The following ITPR2 variants were observed in gnomAD, a reference collection of about 807,000 sequenced individuals.
The protein encoded by ITPR2 is inositol 1,4,5-trisphosphate receptor type 2, also known as inositol 1,4,5-trisphosphate-gated calcium channel ITPR2.
A neutral mutation model predicts 317.1 loss-of-function variants in ITPR2; 207 were observed. The ratio of observed to expected loss-of-function variants is 0.65; its 90% CI spans 0.58 to 0.73. The LOEUF is 0.73. ITPR2 is among the 30% of genes least tolerant of loss of function. ITPR2 has a pLI of 0.00. For synonymous variants in ITPR2, 1,156 were observed against 1,149.1 expected (o/e 1.01, Z -0.12); for missense variants, 2,613 against 3,284.0 (o/e 0.80, Z 4.99).
chr12:26,669,799 G>A (rs1323981570), intron 13 of ITPR2, among the ~76,000 whole-genome samples: 1 of 152,250 alleles, frequency 6.6e-6, no homozygotes, highest in Non-Finnish European at 1.5e-5. Context: ...CCTAGTCAAA[G>A]AAAGAGGTGA....
At chr12:26,342,599 GTTTTTT>G (rs1217652384) in intron 55 of ITPR2, among the ~76,000 whole-genome samples, 1 of 147,344 alleles carries the variant, frequency 6.8e-6, no homozygotes, top group African/African-American at 2.5e-5. Context: ...GTTTGTTTTT[GTTTTTT>G]GTTTGTTTGT....
chr12:26,588,564 C>T (rs556291978), intron 32 of ITPR2, among the ~76,000 whole-genome samples: 18 of 152,164 alleles, frequency 1.2e-4, no homozygotes. Flanking sequence ...AATTAAAGAA[C>T]TAGGAAAGTG....
At chr12:26,632,173 A>C (rs1364970903) in intron 21 of ITPR2, 114 bp from the exon 22 acceptor site, 1 of 660,034 alleles carries the variant, frequency 1.5e-6, no homozygotes, top group Non-Finnish European at 2.3e-6. Flanking sequence ...GATTCAGGAT[A>C]AGACAGAATA....
At chr12:26,483,662 T>A (rs1942593598) in intron 42 of ITPR2, 36 bp downstream of exon 42, 1 of 1,463,878 alleles carries the variant, frequency 6.8e-7, no homozygotes, top group Non-Finnish European at 9.6e-7. Context: ...CCCAAATTAA[T>A]CCCTTTACTA....
At chr12:26,657,666 T>C in intron 18 of ITPR2, 41 bp downstream of exon 18, 1 of 1,551,704 alleles carries the variant, frequency 6.4e-7, no homozygotes, top group Non-Finnish European at 8.9e-7. Context: ...AATTAATATG[T>C]GAGACTGGGA....
At chr12:26,665,838 T>A in intron 14 of ITPR2, 72 bp downstream of exon 14, 1 of 1,313,520 alleles carries the variant, frequency 7.6e-7, no homozygotes, top group Non-Finnish European at 1.1e-6. Flanking sequence ...AATAGATAAC[T>A]AATACAAGGC....
chr12:26,674,359 T>C (rs1395002795), intron 13 of ITPR2, among the ~76,000 whole-genome samples: 2 of 152,062 alleles, frequency 1.3e-5, no homozygotes, highest in East Asian at 3.8e-4. Context: ...TATAGACCAA[T>C]GGAACAGAAC....
chr12:26,495,438 C>T, intron 37 of ITPR2, 178 bp from the exon 38 acceptor site: 1 of 530,570 alleles, frequency 1.9e-6, no homozygotes, highest in Non-Finnish European at 3.3e-6. Flanking sequence ...ATAAAATAAT[C>T]ATTTTGCTTC....
At chr12:26,416,624 T>C (rs976993519) in intron 50 of ITPR2, among the ~76,000 whole-genome samples, 2 of 152,192 alleles carry the variant, frequency 1.3e-5, no homozygotes, top group African/African-American at 2.4e-5. Context: ...TGCTCACCTA[T>C]GGAAACTGCT....
chr12:26,397,232 C>T (rs934236773), intron 54 of ITPR2, among the ~76,000 whole-genome samples: 7 of 152,112 alleles, frequency 4.6e-5, no homozygotes, highest in South Asian at 2.1e-4. Context: ...TCTCTTAGCA[C>T]GCCCTGCTCT....
Position 26,599,342 on chromosome 12 carries a change from G to C in ITPR2, c.3805C>G (p.Leu1269Val). 6.2e-7 allele frequency: 1 copy of C among 1,613,854 alleles called. No individual in the cohort carries two copies. The highest frequency in any genetic ancestry group is 8.5e-7 in the Non-Finnish European group (1 of 1,179,762). Reference sequence around the variant, plus strand: ...ATGTGCCGCATGGTTTCTGCTTCAAGGAGCTAAACACAGAGGAACATGCCC... The same window carrying C: ...ATGTGCCGCATGGTTTCTGCTTCAACGAGCTAAACACAGAGGAACATGCCC... ...HLNLFLTPGL[L>V]EAETMRHIFM... The change falls in exon 30 of 57, where the codon CTT (leucine) becomes GTT (valine). Residue 1269 changes from leucine (L) to valine (V), a missense_variant. By Grantham distance (32) the Leu-to-Val change is conservative (BLOSUM62 1). Around this residue, in one of 9 missense-constraint regions of ITPR2, gnomAD observed 817 missense variants for 897.6 expected, o/e 0.91. Coordinates refer to ENST00000381340, the MANE Select transcript of ITPR2 (RefSeq NM_002223.4).
At chr12:26,360,789 C>T (rs933786918) in intron 55 of ITPR2, among the ~76,000 whole-genome samples, 3 of 152,102 alleles carry the variant, frequency 2.0e-5, no homozygotes, top group Non-Finnish European at 4.4e-5. Context: ...CTTTCTATCA[C>T]TAAGATGTTA....
At chr12:26,713,409 C>A (rs541263914) in intron 8 of ITPR2, among the ~76,000 whole-genome samples, 2 of 152,332 alleles carry the variant, frequency 1.3e-5, no homozygotes, top group South Asian at 4.1e-4. Context: ...CCGATATAAA[C>A]TGGCAATACT....
intron 5 of ITPR2, among the ~76,000 whole-genome samples, chr12:26,719,941 G>GAA: frequency 6.6e-6 from 1 of 151,828 alleles, no homozygotes; most frequent in East Asian, 1.9e-4. Context: ...GATCAAAATT[G>GAA]AAAATGAAAA....
intron 39 of ITPR2, among the ~76,000 whole-genome samples, chr12:26,487,812 A>C (rs532087323): frequency 4.1e-4 from 63 of 152,344 alleles, no homozygotes; most frequent in Non-Finnish European, 7.3e-4. Flanking sequence ...TTTAATTTGG[A>C]AAGTGTTACC....
intron 10 of ITPR2, among the ~76,000 whole-genome samples, chr12:26,688,873 T>C (rs745584577): frequency 2.0e-5 from 3 of 152,110 alleles, no homozygotes; most frequent in Admixed American, 6.5e-5. Context: ...ACAAAATATA[T>C]GAGGGGGAAA....
At chr12:26,571,828 T>G (rs1945168169) in intron 34 of ITPR2, among the ~76,000 whole-genome samples, 1 of 152,244 alleles carries the variant, frequency 6.6e-6, no homozygotes. Flanking sequence ...AAACACTGAC[T>G]TAGAGAGTGC....
At chr12:26,771,842 A>G (rs760502161) in intron 2 of ITPR2, among the ~76,000 whole-genome samples, 9 of 151,894 alleles carry the variant, frequency 5.9e-5, no homozygotes, top group Non-Finnish European at 1.2e-4. Flanking sequence ...CTTTGGGGGG[A>G]TTTATGTCAC....
intron 49 of ITPR2, among the ~76,000 whole-genome samples, chr12:26,427,068 A>T (rs1941081666): frequency 6.6e-6 from 1 of 152,070 alleles, no homozygotes; most frequent in South Asian, 2.1e-4. Context: ...CTGAATGATC[A>T]ATCCTTAAGC....
Sources: gnomAD v4.1 joint callset for allele counts (sites outside exome capture counted in the v4.1 genomes callset) on GRCh38, gnomAD v4.1.1 for gene constraint, gnomAD v4.1.1 regional missense constraint, MANE v1.5 for transcripts, NCBI Gene and HGNC (gene_info 2026-07-23, HGNC 2026-07-21) for gene names.